Variants in C10orf90 observed in about 807,000 individuals in gnomAD.
The protein encoded by C10orf90 is chromosome 10 open reading frame 90, also known as (E2-independent) E3 ubiquitin-conjugating enzyme FATS.
A neutral mutation model predicts 62.5 loss-of-function variants in C10orf90; 56 were observed. The observed-to-expected ratio is 0.90, with a 90% confidence interval of 0.72 to 1.12. The LOEUF (loss-of-function observed/expected upper bound fraction) is 1.12. C10orf90 is among the 50% of genes most tolerant of loss of function. The probability of loss-of-function intolerance (pLI) is 0.00; values close to 1 mark genes in which losing one functional copy is unlikely to be tolerated. For missense variants in C10orf90, 970 were observed against 880.4 expected, an observed-to-expected ratio of 1.10 and a Z score of -1.29; for synonymous variants, 386 against 340.4, an observed-to-expected ratio of 1.13 and a Z score of -1.47.
chr10:126,431,354 T>C (rs1407087546), intron 7 of C10orf90, among the ~76,000 whole-genome samples: 1 of 152,140 alleles, frequency 6.6e-6, no homozygotes, highest in African/African-American at 2.4e-5. Flanking sequence ...TCTCCCAGCT[T>C]TCCCTAGAGC....
chr10:126,490,188 T>C (rs2133835266), intron 4 of C10orf90, among the ~76,000 whole-genome samples: 1 of 146,048 alleles, frequency 6.8e-6, no homozygotes, highest in Non-Finnish European at 1.5e-5. Flanking sequence ...ACAATTAGAA[T>C]ATCAACCTTA....
chr10:126,583,750 G>A (rs183779247), intron 2 of C10orf90, among the ~76,000 whole-genome samples: 14 of 152,290 alleles, frequency 9.2e-5, no homozygotes, highest in Admixed American at 4.6e-4. Flanking sequence ...TACTTTCCCA[G>A]AAGGCTGTCC....
At chr10:126,439,390 G>A (rs1401927541) in intron 7 of C10orf90, among the ~76,000 whole-genome samples, 2 of 152,070 alleles carry the variant, frequency 1.3e-5, no homozygotes, top group Non-Finnish European at 2.9e-5. Flanking sequence ...ATCATTGCAA[G>A]GCAAAACAAA....
chr10:126,595,502 G>A (rs1845065565), intron 2 of C10orf90, among the ~76,000 whole-genome samples: 1 of 152,174 alleles, frequency 6.6e-6, no homozygotes, highest in Non-Finnish European at 1.5e-5. Context: ...AAGGCAAATT[G>A]CAAATAAGGG....
At chr10:126,614,808 ATAACAT>A (rs957788252) in intron 2 of C10orf90, among the ~76,000 whole-genome samples, 1 of 152,194 alleles carries the variant, frequency 6.6e-6, no homozygotes, top group African/African-American at 2.4e-5. Context: ...ACATATTTGG[ATAACAT>A]GGGAGATTAT....
chr10:126,446,764 C>T (rs1858811038), intron 7 of C10orf90, among the ~76,000 whole-genome samples: 1 of 152,132 alleles, frequency 6.6e-6, no homozygotes, highest in South Asian at 2.1e-4. Flanking sequence ...AGATAAAAAT[C>T]ACTTATATCT....
chr10:126,558,899 A>C (rs1864838965), intron 2 of C10orf90, among the ~76,000 whole-genome samples: 1 of 152,230 alleles, frequency 6.6e-6, no homozygotes, highest in African/African-American at 2.4e-5. Flanking sequence ...GGATGGACTG[A>C]ATCAGGCTGC....
chr10:126,516,550 A>G (rs949531720), intron 2 of C10orf90, among the ~76,000 whole-genome samples: 1 of 152,248 alleles, frequency 6.6e-6, no homozygotes, highest in African/African-American at 2.4e-5. Context: ...AAATTAAATG[A>G]CATAACCAGC....
At chr10:126,568,395 A>G (rs915315866) in intron 2 of C10orf90, among the ~76,000 whole-genome samples, 6 of 152,110 alleles carry the variant, frequency 3.9e-5, no homozygotes, top group Non-Finnish European at 8.8e-5. Context: ...TGGCCAGAGA[A>G]TGCTGTCTGC....
chr10:126,532,114 T>A (rs1864110467), intron 2 of C10orf90, among the ~76,000 whole-genome samples: 1 of 152,302 alleles, frequency 6.6e-6, no homozygotes, highest in Admixed American at 6.5e-5. Flanking sequence ...GCTCTGGAGC[T>A]AGCATGGACT....
At chr10:126,636,258 C>T (rs188167226) in intron 2 of C10orf90, among the ~76,000 whole-genome samples, 1 of 152,274 alleles carries the variant, frequency 6.6e-6, no homozygotes, top group African/African-American at 2.4e-5. Context: ...ACCCCTCACA[C>T]GTGTTACAAG....
intron 2 of C10orf90, among the ~76,000 whole-genome samples, chr10:126,642,218 C>T (rs541972810): frequency 4.6e-5 from 7 of 152,134 alleles, no homozygotes; most frequent in South Asian, 2.1e-4. Context: ...GCAAGGTCAA[C>T]GCTGGCACTA....
intron 5 of C10orf90, among the ~76,000 whole-genome samples, chr10:126,462,758 C>T (rs1319444947): frequency 6.6e-6 from 1 of 152,148 alleles, no homozygotes; most frequent in Non-Finnish European, 1.5e-5. Flanking sequence ...ACAACTACAA[C>T]TCACCATTTA....
chr10:126,631,506 G>T (rs762496988), intron 2 of C10orf90, among the ~76,000 whole-genome samples: 69 of 151,968 alleles, frequency 4.5e-4, no homozygotes, highest in Non-Finnish European at 6.8e-4. Context: ...CAGTAATTTT[G>T]CTTGTTTGTC....
chr10:126,525,956 C>T (rs528864899), intron 2 of C10orf90, among the ~76,000 whole-genome samples: 108 of 151,062 alleles, frequency 7.1e-4, no homozygotes, highest in African/African-American at 2.5e-3. Flanking sequence ...ACAGGGAAAC[C>T]GTCCTCTTAA....
chr10:126,517,873 G>A (rs1285213333), intron 2 of C10orf90, among the ~76,000 whole-genome samples: 3 of 135,672 alleles, frequency 2.2e-5, no homozygotes, highest in South Asian at 2.3e-4. Flanking sequence ...TCACGCCATC[G>A]CACTCCAGCC....
chr10:126,657,478 C>T (rs537718705), intron 1 of C10orf90, among the ~76,000 whole-genome samples: 1 of 152,322 alleles, frequency 6.6e-6, no homozygotes, highest in East Asian at 1.9e-4. Flanking sequence ...AGGTGGGCTG[C>T]ATTTTCACTC....
intron 7 of C10orf90, among the ~76,000 whole-genome samples, chr10:126,455,207 C>T (rs1859464345): frequency 6.6e-6 from 1 of 152,168 alleles, no homozygotes; most frequent in Non-Finnish European, 1.5e-5. Flanking sequence ...TTCATCTTTC[C>T]TTGGGCTCCT....
chr10:126,442,109 C>T (rs1858368756), intron 7 of C10orf90, among the ~76,000 whole-genome samples: 1 of 151,890 alleles, frequency 6.6e-6, no homozygotes. Context: ...AGATATAGAA[C>T]TATAGAATGC....
Sources: gnomAD v4.1 joint callset for allele counts (sites outside exome capture counted in the v4.1 genomes callset) on GRCh38, gnomAD v4.1.1 for gene constraint, MANE v1.5 for transcripts, NCBI Gene and HGNC (gene_info 2026-07-23, HGNC 2026-07-21) for gene names.